Variants in CADM2 observed in about 807,000 individuals in gnomAD.
The protein encoded by CADM2 is immunoglobulin superfamily member 4D.
A neutral mutation model predicts 49.8 loss-of-function variants in CADM2; 12 were observed. That is an observed-to-expected ratio of 0.24 (90% CI 0.15 to 0.39). The LOEUF (loss-of-function observed/expected upper bound fraction) is 0.39, where lower values mean the gene tolerates loss of function less well. CADM2 is among the 10% of genes least tolerant of loss of function. CADM2 has a pLI of 1.00. For synonymous variants in CADM2, 214 were observed against 175.4 expected, an observed-to-expected ratio of 1.22 and a Z score of -1.74; for missense variants, 378 against 492.3, an observed-to-expected ratio of 0.77 and a Z score of 2.20.
intron 1 of CADM2, among the ~76,000 whole-genome samples, chr3:85,504,448 C>A (rs954940157): frequency 2.6e-5 from 4 of 152,172 alleles, no homozygotes; most frequent in Non-Finnish European, 5.9e-5. Flanking sequence ...CACTGCTGCT[C>A]GGGCAGCCTG....
At chr3:85,531,576 A>G (rs954138764) in intron 1 of CADM2, among the ~76,000 whole-genome samples, 3 of 152,142 alleles carry the variant, frequency 2.0e-5, no homozygotes, top group East Asian at 1.9e-4. Context: ...ATGTTCACCA[A>G]CATTCCTCCT....
At chr3:85,556,562 G>C (rs941201186) in intron 1 of CADM2, among the ~76,000 whole-genome samples, 4 of 152,132 alleles carry the variant, frequency 2.6e-5, no homozygotes, top group Non-Finnish European at 5.9e-5. Flanking sequence ...CATGCAATTT[G>C]CAATGACAGC....
intron 1 of CADM2, among the ~76,000 whole-genome samples, chr3:85,261,677 T>A (rs1364885920): frequency 6.6e-6 from 1 of 152,160 alleles, no homozygotes; most frequent in Non-Finnish European, 1.5e-5. Flanking sequence ...TAACAGCCAC[T>A]AATTCTTACA....
At chr3:85,767,254 A>T (rs116505057) in intron 2 of CADM2, among the ~76,000 whole-genome samples, 367 of 152,254 alleles carry the variant, frequency 2.4e-3, no homozygotes, top group Non-Finnish European at 4.6e-3. Context: ...TTAATGGCTG[A>T]CTGTGTCAAT....
intron 6 of CADM2, among the ~76,000 whole-genome samples, chr3:85,931,836 G>T (rs75177459): frequency 0.033 from 5,058 of 151,376 alleles, 282 homozygotes; most frequent in African/African-American, 0.12. Flanking sequence ...AATGATACAG[G>T]TTATGCAGGA....
chr3:85,043,024 C>T (rs1244896247), intron 1 of CADM2, among the ~76,000 whole-genome samples: 1 of 152,038 alleles, frequency 6.6e-6, no homozygotes, highest in Non-Finnish European at 1.5e-5. Context: ...GAAGAAATGA[C>T]AACACAAAGG....
intron 1 of CADM2, among the ~76,000 whole-genome samples, chr3:85,602,626 A>G (rs879637457): frequency 2.0e-5 from 3 of 151,788 alleles, no homozygotes; most frequent in Admixed American, 6.6e-5. Flanking sequence ...TAGGACATGT[A>G]TATTAGAATG....
intron 8 of CADM2, among the ~76,000 whole-genome samples, chr3:86,057,965 C>T (rs550136013): frequency 2.6e-4 from 40 of 152,228 alleles, no homozygotes; most frequent in Non-Finnish European, 5.1e-4. Flanking sequence ...TAAAGCTTTT[C>T]CAAGATTATT....
At chr3:84,979,726 G>A (rs2032051686) in intron 1 of CADM2, among the ~76,000 whole-genome samples, 1 of 151,680 alleles carries the variant, frequency 6.6e-6, no homozygotes, top group Admixed American at 6.6e-5. Flanking sequence ...ACTACTCTAA[G>A]AGTCCTTTAG....
At chr3:85,448,605 G>T (rs1277574779) in intron 1 of CADM2, among the ~76,000 whole-genome samples, 6 of 152,058 alleles carry the variant, frequency 3.9e-5, no homozygotes, top group Admixed American at 3.3e-4. Context: ...GGGGTTGTGT[G>T]CATGCGTGTG....
chr3:85,036,072 A>G (rs1185578920), intron 1 of CADM2, among the ~76,000 whole-genome samples: 1 of 152,142 alleles, frequency 6.6e-6, no homozygotes, highest in East Asian at 1.9e-4. Flanking sequence ...AAAGAGAAAT[A>G]CACCTTTAAG....
chr3:85,201,554 G>A (rs1346942788), intron 1 of CADM2, among the ~76,000 whole-genome samples: 1 of 152,108 alleles, frequency 6.6e-6, no homozygotes, highest in African/African-American at 2.4e-5. Flanking sequence ...CGCATTGATT[G>A]ACTCCACCTT....
At chr3:85,451,489 C>T (rs2037747176) in intron 1 of CADM2, among the ~76,000 whole-genome samples, 1 of 152,028 alleles carries the variant, frequency 6.6e-6, no homozygotes. Context: ...GATGAACACC[C>T]ACAGCTGTTT....
chr3:85,614,847 T>C (rs1260336282), intron 1 of CADM2, among the ~76,000 whole-genome samples: 1 of 151,986 alleles, frequency 6.6e-6, no homozygotes, highest in Non-Finnish European at 1.5e-5. Flanking sequence ...TTTGCTGTTA[T>C]TGTGTTGACA....
chr3:85,509,939 T>G (rs2040536652), intron 1 of CADM2, among the ~76,000 whole-genome samples: 1 of 152,002 alleles, frequency 6.6e-6, no homozygotes, highest in Non-Finnish European at 1.5e-5. Context: ...AGTGCCAATA[T>G]TCCTATAATC....
intron 1 of CADM2, among the ~76,000 whole-genome samples, chr3:85,689,369 T>G (rs1482929844): frequency 6.6e-6 from 1 of 152,172 alleles, no homozygotes; most frequent in East Asian, 1.9e-4. Context: ...GAAAAAATAA[T>G]GAAAAGTTGG....
At chr3:85,309,405 G>A (rs1236043344) in intron 1 of CADM2, among the ~76,000 whole-genome samples, 1 of 152,086 alleles carries the variant, frequency 6.6e-6, no homozygotes, top group Non-Finnish European at 1.5e-5. Context: ...CTGTCTGTGT[G>A]AGCCCATGCA....
chr3:85,070,747 C>T (rs1484107016), intron 1 of CADM2, among the ~76,000 whole-genome samples: 2 of 152,010 alleles, frequency 1.3e-5, no homozygotes, highest in African/African-American at 4.8e-5. Flanking sequence ...AATTACAGCA[C>T]TTTGGGAGGC....
intron 8 of CADM2, among the ~76,000 whole-genome samples, chr3:86,007,678 C>T (rs1315635206): frequency 2.0e-5 from 3 of 152,126 alleles, no homozygotes; most frequent in South Asian, 2.1e-4. Context: ...TATTAAAGTG[C>T]TGTGGCTGGT....
Sources: allele counts gnomAD v4.1 joint callset (sites outside exome capture counted in the v4.1 genomes callset), GRCh38; gene constraint gnomAD v4.1.1; transcripts MANE v1.5; gene names NCBI Gene and HGNC (gene_info 2026-07-23, HGNC 2026-07-21).